POPDC1: variants seen among roughly 807,000 people sequenced by gnomAD.
The protein encoded by POPDC1 is popeye domain-containing protein 1.
chr6:105,129,287 T>G, the POPDC1 span: 1 of 1,118,780 alleles, frequency 8.9e-7, no homozygotes, highest in Non-Finnish European at 1.2e-6. Context: ...AGTGACTAAA[T>G]ATGCTAGATA....
the POPDC1 span, chr6:105,099,547 C>T: frequency 6.6e-6 from 1 of 152,218 alleles, no homozygotes; most frequent in African/African-American, 2.4e-5. Context: ...GCGTCCTGGC[C>T]AAGTGCCACA....
the POPDC1 span, among the ~76,000 whole-genome samples, chr6:105,120,618 C>G: frequency 6.6e-6 from 1 of 152,176 alleles, no homozygotes; most frequent in African/African-American, 2.4e-5. Context: ...GAGAATTAGA[C>G]TAAGCATTTG....
the POPDC1 span, among the ~76,000 whole-genome samples, chr6:105,122,240 G>C: frequency 6.6e-6 from 1 of 152,114 alleles, no homozygotes; most frequent in South Asian, 2.1e-4. Flanking sequence ...TAATCTACTG[G>C]CCAATCAGGA....
chr6:105,112,125 C>G, the POPDC1 span, among the ~76,000 whole-genome samples: 1,175 of 152,270 alleles, frequency 7.7e-3, 12 homozygotes, highest in African/African-American at 0.027. Flanking sequence ...AGACCCCCAC[C>G]CCAGCCTGCT....
the POPDC1 span, among the ~76,000 whole-genome samples, chr6:105,116,293 G>A: frequency 2.0e-5 from 3 of 151,960 alleles, no homozygotes; most frequent in Non-Finnish European, 2.9e-5. Flanking sequence ...TCACTTTCTC[G>A]CCTGACCTGA....
the POPDC1 span, among the ~76,000 whole-genome samples, chr6:105,125,866 C>T: frequency 0.71 from 108,498 of 151,748 alleles, 42,341 homozygotes; most frequent in East Asian, 0.87. Context: ...AGTTTGAGAG[C>T]AGCCTGGGTA....
chr6:105,128,258 G>T, the POPDC1 span, among the ~76,000 whole-genome samples: 2 of 152,168 alleles, frequency 1.3e-5, no homozygotes, highest in Non-Finnish European at 2.9e-5. Context: ...TTATCAAACT[G>T]GGCCATGTCA....
At chr6:105,124,589 A>T in the POPDC1 span, 2 of 1,612,698 alleles carry the variant, frequency 1.2e-6, no homozygotes, top group African/African-American at 2.7e-5. Flanking sequence ...ATCTAAATTC[A>T]GGAGAATCTA....
chr6:105,104,896 T>C, the POPDC1 span, among the ~76,000 whole-genome samples: 1 of 142,098 alleles, frequency 7.0e-6, no homozygotes, highest in Non-Finnish European at 1.6e-5. Flanking sequence ...CTGTCTTATT[T>C]TATTTCTCAG....
chr6:105,129,132 GA>G, the POPDC1 span, among the ~76,000 whole-genome samples: 1 of 152,060 alleles, frequency 6.6e-6, no homozygotes, highest in South Asian at 2.1e-4. Context: ...ACTTAAAAAG[GA>G]AAATATTATT....
At chr6:105,113,883 A>C in the POPDC1 span, among the ~76,000 whole-genome samples, 34 of 150,176 alleles carry the variant, frequency 2.3e-4, no homozygotes, top group South Asian at 7.0e-3. Flanking sequence ...AGTGATCTGT[A>C]ATTGTACCAA....
chr6:105,112,175 G>C, the POPDC1 span, among the ~76,000 whole-genome samples: 1 of 152,126 alleles, frequency 6.6e-6, no homozygotes, highest in Non-Finnish European at 1.5e-5. Flanking sequence ...TGATTCATAT[G>C]CACATTTAAG....
chr6:105,128,387 T>C, the POPDC1 span, among the ~76,000 whole-genome samples: 1 of 152,336 alleles, frequency 6.6e-6, no homozygotes, highest in Middle Eastern at 3.4e-3. Context: ...GCCATGAGAA[T>C]GCATGGTCCA....
At chr6:105,129,362 TTA>T in the POPDC1 span, 1 of 1,582,610 alleles carries the variant, frequency 6.3e-7, no homozygotes, top group East Asian at 2.3e-5. Context: ...TCCTTATTAA[TTA>T]ATTTTAATAA....
At chr6:105,124,916 T>C in the POPDC1 span, among the ~76,000 whole-genome samples, 3 of 152,172 alleles carry the variant, frequency 2.0e-5, no homozygotes, top group Non-Finnish European at 4.4e-5. Context: ...GAAGTGACCA[T>C]ATAATCTGTA....
At chr6:105,101,098 C>G in the POPDC1 span, 3 of 1,610,788 alleles carry the variant, frequency 1.9e-6, no homozygotes, top group African/African-American at 4.0e-5. Flanking sequence ...ATCAAGGCAG[C>G]TGATGGACTT....
the POPDC1 span, among the ~76,000 whole-genome samples, chr6:105,112,594 T>C: frequency 6.6e-6 from 1 of 152,226 alleles, no homozygotes; most frequent in Non-Finnish European, 1.5e-5. Flanking sequence ...GCAAAAATTT[T>C]AATTGAAATG....
At chr6:105,119,488 G>A in the POPDC1 span, among the ~76,000 whole-genome samples, 2 of 152,236 alleles carry the variant, frequency 1.3e-5, no homozygotes, top group East Asian at 3.9e-4. Flanking sequence ...AACTGACCCT[G>A]GGGAATTCCC....
At chr6:105,116,240 A>G in the POPDC1 span, among the ~76,000 whole-genome samples, 1 of 151,588 alleles carries the variant, frequency 6.6e-6, no homozygotes, top group Non-Finnish European at 1.5e-5. Flanking sequence ...TTAAGATCAA[A>G]TTGCAAATTG....
Sources: gnomAD v4.1 joint callset for allele counts (sites outside exome capture counted in the v4.1 genomes callset) on GRCh38, gnomAD v4.1.1 for gene constraint, MANE v1.5 for transcripts, NCBI Gene and HGNC (gene_info 2026-07-23, HGNC 2026-07-21) for gene names.